GRIN2A: variants seen among roughly 807,000 people sequenced by gnomAD.
The protein encoded by GRIN2A is glutamate ionotropic receptor NMDA type subunit 2A.
In GRIN2A, 22 loss-of-function variants were observed where a neutral mutation model predicts 113.4. The ratio of observed to expected loss-of-function variants is 0.19; its 90% CI spans 0.14 to 0.28. GRIN2A has a LOEUF of 0.28. GRIN2A is among the 10% of genes least tolerant of loss of function. GRIN2A has a pLI of 1.00. For synonymous variants in GRIN2A, 827 were observed against 738.4 expected (o/e 1.12, Z -1.94); for missense variants, 1,502 against 1,887.0 (o/e 0.80, Z 3.78).
chr16:10,179,848 G>C (rs1057406938), intron 2 of GRIN2A, 150 bp downstream of exon 2: 2 of 718,360 alleles, frequency 2.8e-6, no homozygotes, highest in African/African-American at 1.8e-5. Flanking sequence ...GGCAAGACCT[G>C]GTTCTCACCA....
chr16:10,016,436 C>G (rs1382054785), intron 2 of GRIN2A, among the ~76,000 whole-genome samples: 1 of 152,058 alleles, frequency 6.6e-6, no homozygotes, highest in Non-Finnish European at 1.5e-5. Context: ...GGACTATTGC[C>G]CCACAGATTC....
chr16:10,014,467 T>A (rs2046566033), intron 2 of GRIN2A, among the ~76,000 whole-genome samples: 2 of 152,214 alleles, frequency 1.3e-5, no homozygotes, highest in South Asian at 4.1e-4. Context: ...TACAAACATG[T>A]CTTGAGTGGC....
rs60086276 is a variant in GRIN2A at position 9,815,527 on chromosome 16, G to T, written c.2168+6737C>A. ...ATTGCCCAATAAGCAGGTAAAAAGCGCTCGATACCACTAATCATTAGGGAA... is the reference window on the plus strand; with the variant it reads ...ATTGCCCAATAAGCAGGTAAAAAGCTCTCGATACCACTAATCATTAGGGAA... On this transcript the variant is annotated intron_variant, in intron 10 of 12. Coordinates refer to ENST00000330684, the MANE Select transcript of GRIN2A (RefSeq NM_001134407.3). Among the ~76,000 whole-genome samples, 627 of 151,714 alleles carry T rather than the reference G, an allele frequency of 4.1e-3. 3 individuals carry two copies. Among genetic ancestry groups the T allele is most frequent in the African/African-American group, 0.014 (593 of 41,384 alleles).
At chr16:9,992,944 G>A (rs538177010) in intron 2 of GRIN2A, among the ~76,000 whole-genome samples, 4 of 152,218 alleles carry the variant, frequency 2.6e-5, no homozygotes, top group East Asian at 1.9e-4. Context: ...GGCCGGTGGC[G>A]GTGGCTCACG....
intron 2 of GRIN2A, among the ~76,000 whole-genome samples, chr16:10,043,982 T>TAC (rs35350964): frequency 0.096 from 12,864 of 134,382 alleles, 691 homozygotes; most frequent in Non-Finnish European, 0.11. Flanking sequence ...CATATATATA[T>TAC]ACACATACGT....
At chr16:10,111,336 A>G in intron 2 of GRIN2A, 1 of 392,966 alleles carries the variant, frequency 2.5e-6, no homozygotes, top group Non-Finnish European at 4.8e-6. Flanking sequence ...CAGCAGCGGC[A>G]GGCGGCCGCG....
At chr16:9,805,491 C>T (rs565311853) in intron 10 of GRIN2A, 7 of 151,956 alleles carry the variant, frequency 4.6e-5, no homozygotes, top group Non-Finnish European at 8.8e-5. Context: ...CAAACCAAAC[C>T]CTTGCCAGGA....
At chr16:10,009,600 G>A (rs1478060586) in intron 2 of GRIN2A, among the ~76,000 whole-genome samples, 1 of 152,148 alleles carries the variant, frequency 6.6e-6, no homozygotes. Context: ...TTGCAATAGA[G>A]TCTGTGCCTG....
rs1373990781 is a variant in GRIN2A, at chr16:9,849,932, G to C, written c.1152C>G (p.Ser384Arg). ...ACCTGGGCCACACGGCGTGCCTCAG[G>C]CTCAGCGTATGGTTCTCCCACTTGC... is the stretch of plus-strand genomic sequence containing the variant. ...KVGKWENHTLSLRHAVWPRYK... is the reference protein window; with the variant it reads ...KVGKWENHTLRLRHAVWPRYK... Residue 384 changes from serine (S) to arginine (R), a missense_variant, in exon 5 of 13, where the codon AGC becomes AGG. By Grantham distance (110) the Ser-to-Arg change is moderately radical (BLOSUM62 -1). Around this residue, in one of 7 missense-constraint regions of GRIN2A, gnomAD observed 334 missense variants for 403.0 expected, o/e 0.83. Transcript: ENST00000330684. The C allele has an allele frequency of 3.1e-6, 5 of 1,613,898 alleles. No homozygotes were observed. Among genetic ancestry groups the C allele is most frequent in the South Asian group, 2.2e-5 (2 of 91,086 alleles).
chr16:9,775,382 C>T (rs1479652255), intron 11 of GRIN2A, among the ~76,000 whole-genome samples: 1 of 152,100 alleles, frequency 6.6e-6, no homozygotes, highest in Non-Finnish European at 1.5e-5. Flanking sequence ...TTTACTCATT[C>T]ATTCACTCAT....
chr16:9,938,698 A>G lies in GRIN2A; in HGVS notation c.415-147T>C, dbSNP rs750810884. 3.5e-4 allele frequency: 240 copies of G among 684,580 alleles called. 1 individual carries two copies. The highest frequency in any genetic ancestry group is 5.3e-4 in the Non-Finnish European group (202 of 381,094). 42.4% of individuals were successfully genotyped at this position (684,580 alleles called of 1,614,324 possible). Reference sequence around the variant, plus strand: ...GCATCTACTATATCCCAGACTCCAGAACAGATCCTGCAAATACAGAGAGGA... The same window carrying G: ...GCATCTACTATATCCCAGACTCCAGGACAGATCCTGCAAATACAGAGAGGA... On this transcript the variant is annotated intron_variant, in intron 2 of 12. Transcript: ENST00000330684.
chr16:9,993,872 G>T (rs2046173513), intron 2 of GRIN2A, among the ~76,000 whole-genome samples: 1 of 152,198 alleles, frequency 6.6e-6, no homozygotes, highest in Non-Finnish European at 1.5e-5. Flanking sequence ...GTGGGGAAAA[G>T]GATGCATTCT....
intron 7 of GRIN2A, among the ~76,000 whole-genome samples, chr16:9,838,326 A>G (rs1421473385): frequency 1.3e-5 from 2 of 152,246 alleles, no homozygotes; most frequent in East Asian, 3.8e-4. Context: ...AAGTTATTAT[A>G]TCAAAAAGAC....
intron 2 of GRIN2A, among the ~76,000 whole-genome samples, chr16:10,095,545 TA>T (rs2048271348): frequency 1.3e-5 from 2 of 152,188 alleles, no homozygotes; most frequent in Non-Finnish European, 2.9e-5. Flanking sequence ...CAATGGATGC[TA>T]AAGCTGGTGA....
At chr16:10,113,365 C>T (rs1294626067) in intron 2 of GRIN2A, among the ~76,000 whole-genome samples, 1 of 152,206 alleles carries the variant, frequency 6.6e-6, no homozygotes, top group Non-Finnish European at 1.5e-5. Flanking sequence ...TGCCCCCTTC[C>T]CCGGTCCTGG....
chr16:9,834,249 A>G lies in GRIN2A; in HGVS notation c.1652-19T>C, dbSNP rs778659119. 1.1e-4 allele frequency: 177 copies of G among 1,613,578 alleles called. No homozygotes were observed. The highest frequency in any genetic ancestry group is 1.4e-4 in the Non-Finnish European group (161 of 1,179,582). ...AATGGTTCTGCAAATAAACAGATAA[A>G]GGAATGGAAACGTGGTTAGTTATCT... On this transcript the variant is annotated intron_variant, in intron 7 of 12. Transcript: ENST00000330684.
intron 2 of GRIN2A, among the ~76,000 whole-genome samples, chr16:10,109,546 T>A (rs2142139295): frequency 6.7e-6 from 1 of 150,274 alleles, no homozygotes; most frequent in East Asian, 2.0e-4. Flanking sequence ...AATAGAAAAA[T>A]GTAACAAAAG....
At chr16:9,869,101 C>T (rs2043211417) in intron 4 of GRIN2A, among the ~76,000 whole-genome samples, 1 of 152,106 alleles carries the variant, frequency 6.6e-6, no homozygotes, top group Non-Finnish European at 1.5e-5. Flanking sequence ...TCGTACCCAG[C>T]CCAGGGCTGC....
chr16:9,999,484 A>T (rs1329278702), intron 2 of GRIN2A, among the ~76,000 whole-genome samples: 1 of 152,148 alleles, frequency 6.6e-6, no homozygotes, highest in East Asian at 1.9e-4. Context: ...CAGCAAACTA[A>T]CACAAGAACA....
Sources: gnomAD v4.1 joint callset for allele counts (sites outside exome capture counted in the v4.1 genomes callset) on GRCh38, gnomAD v4.1.1 for gene constraint, gnomAD v4.1.1 regional missense constraint, MANE v1.5 for transcripts, NCBI Gene and HGNC (gene_info 2026-07-23, HGNC 2026-07-21) for gene names.